Variants in INSR observed in about 807,000 individuals in gnomAD.
INSR encodes the protein insulin receptor, also known as IR.
A neutral mutation model predicts 142.6 loss-of-function variants in INSR; 67 were observed. That is an observed-to-expected ratio of 0.47 (90% confidence interval 0.39 to 0.58). INSR has a LOEUF of 0.58. Among genes scored for constraint, INSR ranks in the 20% least tolerant of loss-of-function variants. The pLI is 0.00. For missense variants in INSR, 1,248 were observed against 1,833.2 expected (o/e 0.68, Z 5.83); for synonymous variants, 756 against 743.1 (o/e 1.02, Z -0.28).
chr19:7,178,252 G>A (rs1025220965), intron 3 of INSR, among the ~76,000 whole-genome samples: 1 of 131,898 alleles, frequency 7.6e-6, no homozygotes, highest in Non-Finnish European at 1.6e-5. Context: ...GTGGGGGGGG[G>A]GGTGCCTAGA....
In INSR at chr19:7,116,959, T is replaced by C. The variant is rs1030133375; in HGVS notation, c.*97A>G. 89 of 934,470 alleles carry C rather than the reference T, an allele frequency of 9.5e-5. No individual in the cohort carries two copies. Among genetic ancestry groups the C allele is most frequent in the Non-Finnish European group, 1.6e-4 (87 of 560,590 alleles). 57.9% of individuals were successfully genotyped at this position (934,470 alleles called of 1,614,324 possible). A position where few individuals can be genotyped will look rare whatever the true frequency, so the allele number is the denominator to read the frequency against. ...AACGATCTCTGAACTCCATTGGACATGGTAGAGTCGTGAGAATCCTGAGTT... is the reference window on the plus strand; with the variant it reads ...AACGATCTCTGAACTCCATTGGACACGGTAGAGTCGTGAGAATCCTGAGTT... On this transcript the variant is annotated 3_prime_UTR_variant, in exon 22 of 22. Transcript: ENST00000302850.
intron 3 of INSR, among the ~76,000 whole-genome samples, chr19:7,178,088 T>C (rs1330659295): frequency 6.6e-6 from 1 of 152,036 alleles, no homozygotes; most frequent in African/African-American, 2.4e-5. Flanking sequence ...CTCCTGGGTA[T>C]TCAACTCTTC....
chr19:7,214,649 A>G (rs1453839319), intron 2 of INSR, among the ~76,000 whole-genome samples: 2 of 152,194 alleles, frequency 1.3e-5, no homozygotes, highest in Non-Finnish European at 2.9e-5. Context: ...GGTATGCATT[A>G]GGGGATTTGC....
chr19:7,199,041 G>C (rs1009709629), intron 2 of INSR, among the ~76,000 whole-genome samples: 6 of 151,888 alleles, frequency 4.0e-5, no homozygotes, highest in African/African-American at 1.2e-4. Context: ...GCATCACTAT[G>C]CCTGGCTAAT....
intron 2 of INSR, among the ~76,000 whole-genome samples, chr19:7,231,565 T>C (rs1405905353): frequency 6.6e-6 from 1 of 152,124 alleles, no homozygotes; most frequent in Non-Finnish European, 1.5e-5. Context: ...CCTCCCATTG[T>C]GCTGGGATTA....
intron 1 of INSR, among the ~76,000 whole-genome samples, chr19:7,271,361 G>A (rs6510977): frequency 0.57 from 87,156 of 151,802 alleles, 25,834 homozygotes; most frequent in African/African-American, 0.72. Flanking sequence ...CTAGCTGGGC[G>A]TGGTGGCAGG....
chr19:7,205,060 G>GTTTTGT (rs1975071024), intron 2 of INSR, among the ~76,000 whole-genome samples: 2 of 152,102 alleles, frequency 1.3e-5, no homozygotes, highest in Admixed American at 1.3e-4. Flanking sequence ...CTCCAGCTTG[G>GTTTTGT]GCAACAAAAG....
Position 7,117,221 on chromosome 19 carries a change from G to T in INSR, c.3984C>A (p.Pro1328=). The change falls in exon 22 of 22, where the codon CCC becomes CCA. Residue 1328 remains proline (P), a synonymous_variant. Transcript: ENST00000302850. ...EMEFEDMENV[P]LDRSSHCQRE... is the part of the protein sequence containing the mutation. ...TCTGACAGTGCGAGGAACGGTCCAG[G>T]GGCACATTCTCCATGTCCTCAAACT... 1 of 1,614,156 alleles carries T rather than the reference G, an allele frequency of 6.2e-7. No individual in the cohort carries two copies. The highest frequency in any genetic ancestry group is 8.5e-7 in the Non-Finnish European group (1 of 1,180,014).
chr19:7,233,541 C>T (rs73490752), intron 2 of INSR, among the ~76,000 whole-genome samples: 7,675 of 152,078 alleles, frequency 0.05, 670 homozygotes, highest in African/African-American at 0.17. Flanking sequence ...TGAAAGAAAC[C>T]CCACACACTG....
intron 10 of INSR, among the ~76,000 whole-genome samples, chr19:7,151,162 C>CTCTCTTTCCTTTTCTT (rs1555740370): frequency 3.7e-4 from 17 of 45,850 alleles, no homozygotes; most frequent in Admixed American, 3.6e-3. Context: ...TTCTTTCTTT[C>CTCTCTTTCCTTTTCTT]TCTTTCTTTC....
At chr19:7,262,520 T>C (rs1977095325) in intron 2 of INSR, among the ~76,000 whole-genome samples, 1 of 152,202 alleles carries the variant, frequency 6.6e-6, no homozygotes, top group African/African-American at 2.4e-5. Flanking sequence ...GCAACAAGGT[T>C]AATGCAGGCA....
Position 7,119,689 on chromosome 19 carries a change from C to G in INSR, c.3660-106G>C. On this transcript the variant is annotated intron_variant, in intron 20 of 21. Coordinates refer to ENST00000302850, the MANE Select transcript of INSR (RefSeq NM_000208.4). The surrounding 1 kb of genome is among the most constrained non-coding windows in gnomAD (Gnocchi z 5.2). ...AAACGCACACACACACGCAAACACA[C>G]ATGCCAACACATACATGCAAACACA... 8.1e-7 allele frequency: 1 copy of G among 1,227,542 alleles called. No individual in the cohort carries two copies. The highest frequency in any genetic ancestry group is 1.2e-5 in the South Asian group (1 of 81,784). The allele number at this position is 1,227,542 out of a possible 1,614,324, so 76.0% of individuals were successfully genotyped here. A position where few individuals can be genotyped will look rare whatever the true frequency, so the allele number is the denominator to read the frequency against.
In INSR at chr19:7,249,788, C is replaced by G. The variant is rs558779800; in HGVS notation, c.652+17557G>C. Among the ~76,000 whole-genome samples, 233 of 152,170 alleles carry G rather than the reference C, an allele frequency of 1.5e-3. 2 individuals carry two copies. The highest frequency in any genetic ancestry group is 6.8e-3 in the Middle Eastern group (2 of 294). On this transcript the variant is annotated intron_variant, in intron 2 of 21. Transcript: ENST00000302850. ...AGGGTGGATCACGAGGTCAGGAGAT[C>G]GAGACCATCCTGGCTAACAGGGTGA...
intron 2 of INSR, among the ~76,000 whole-genome samples, chr19:7,188,870 C>CAAAAAAAAAAAAA (rs10549803): frequency 1.4e-5 from 1 of 71,824 alleles, no homozygotes. Context: ...GACTCTATCT[C>CAAAAAAAAAAAAA]AAAAAAAAAA....
intron 2 of INSR, among the ~76,000 whole-genome samples, chr19:7,261,531 T>G (rs1370707909): frequency 6.7e-6 from 1 of 149,672 alleles, no homozygotes; most frequent in Non-Finnish European, 1.5e-5. Flanking sequence ...CCCTAACCAT[T>G]TTTTTTTCTT....
intron 2 of INSR, among the ~76,000 whole-genome samples, chr19:7,191,392 C>T (rs1308736151): frequency 1.4e-5 from 2 of 142,202 alleles, no homozygotes; most frequent in Non-Finnish European, 3.1e-5. Flanking sequence ...AAAGAAAAGC[C>T]ACTCGGGGTG....
chr19:7,126,701 G>A, intron 15 of INSR, 50 bp from the exon 16 acceptor site: 3 of 1,509,730 alleles, frequency 2.0e-6, no homozygotes, highest in Non-Finnish European at 2.7e-6. Flanking sequence ...ATGGGACTCT[G>A]CAGAAAGGTG....
At chr19:7,271,023 C>T (rs1967911693) in intron 1 of INSR, among the ~76,000 whole-genome samples, 1 of 151,850 alleles carries the variant, frequency 6.6e-6, no homozygotes, top group African/African-American at 2.4e-5. Context: ...GATCACACCA[C>T]TGCACTCCAG....
At chr19:7,160,246 C>T (rs1189741753) in intron 9 of INSR, among the ~76,000 whole-genome samples, 1 of 152,092 alleles carries the variant, frequency 6.6e-6, no homozygotes, top group Non-Finnish European at 1.5e-5. Context: ...CCTCCACCTC[C>T]CGGGTTCAAG....
Sources: gnomAD v4.1 joint callset for allele counts (sites outside exome capture counted in the v4.1 genomes callset) on GRCh38, gnomAD v4.1.1 for gene constraint, Gnocchi (gnomAD v3.1) non-coding constraint, MANE v1.5 for transcripts, NCBI Gene and HGNC (gene_info 2026-07-23, HGNC 2026-07-21) for gene names.